The following PTPRT variants were observed in gnomAD, a reference collection of about 807,000 sequenced individuals.
The protein encoded by PTPRT is receptor-type tyrosine-protein phosphatase T.
Under a neutral mutation model 176.8 loss-of-function variants are expected in PTPRT, and 56 were observed. That is an observed-to-expected ratio of 0.32 (90% CI 0.26 to 0.40). PTPRT has a LOEUF of 0.40. PTPRT is among the 10% of genes least tolerant of loss of function. The pLI, the probability that PTPRT is intolerant of heterozygous loss-of-function variation, is 1.00. For missense variants in PTPRT, 1,540 were observed against 1,908.2 expected (o/e 0.81, Z 3.60); for synonymous variants, 783 against 739.0 (o/e 1.06, Z -0.96).
intron 24 of PTPRT, among the ~76,000 whole-genome samples, chr20:42,105,995 A>G (rs951742787): frequency 2.1e-4 from 32 of 152,184 alleles, no homozygotes; most frequent in African/African-American, 7.2e-4. Flanking sequence ...CTGCTTAGTG[A>G]GAGTGTGGTT....
intron 1 of PTPRT, among the ~76,000 whole-genome samples, chr20:43,169,090 C>T (rs1416199389): frequency 1.3e-5 from 2 of 152,284 alleles, no homozygotes; most frequent in East Asian, 1.9e-4. Flanking sequence ...TGCCCCAACC[C>T]TCAGTTCTTG....
intron 1 of PTPRT, among the ~76,000 whole-genome samples, chr20:43,167,443 G>A (rs2014885851): frequency 1.3e-5 from 2 of 152,108 alleles, no homozygotes; most frequent in Non-Finnish European, 2.9e-5. Flanking sequence ...AAAAAAAAGA[G>A]GTGGGGTGGG....
chr20:42,369,426 T>C (rs1385783520), intron 9 of PTPRT, among the ~76,000 whole-genome samples: 1 of 152,180 alleles, frequency 6.6e-6, no homozygotes, highest in Non-Finnish European at 1.5e-5. Flanking sequence ...TTTAATACCC[T>C]CTCTACCCTG....
chr20:42,189,957 G>T (rs1990931729), intron 16 of PTPRT, among the ~76,000 whole-genome samples: 1 of 152,096 alleles, frequency 6.6e-6, no homozygotes, highest in South Asian at 2.1e-4. Context: ...CTTTCTCAAG[G>T]CTGCCTAAAT....
intron 15 of PTPRT, among the ~76,000 whole-genome samples, chr20:42,227,242 T>G (rs1600701721): frequency 6.6e-6 from 1 of 150,668 alleles, no homozygotes; most frequent in African/African-American, 2.4e-5. Flanking sequence ...AGAAAGGGAG[T>G]GGGCAGAGGA....
intron 15 of PTPRT, among the ~76,000 whole-genome samples, chr20:42,213,835 T>C (rs1286899565): frequency 6.6e-6 from 1 of 152,216 alleles, no homozygotes; most frequent in African/African-American, 2.4e-5. Context: ...ATTTTGGATT[T>C]ATAGCTTCTA....
intron 7 of PTPRT, among the ~76,000 whole-genome samples, chr20:42,566,757 T>C (rs1385425749): frequency 3.3e-5 from 5 of 152,192 alleles, no homozygotes; most frequent in Admixed American, 3.3e-4. Context: ...TGAGGTATCT[T>C]TGATTGCATC....
intron 27 of PTPRT, 98 bp from the exon 28 acceptor site, chr20:42,085,951 TC>T: frequency 2.2e-6 from 3 of 1,359,448 alleles, no homozygotes; most frequent in East Asian, 2.4e-5. Context: ...TTTTTCTTTT[TC>T]TTTTTTTTTT....
chr20:42,994,300 G>A (rs968276653), intron 1 of PTPRT, among the ~76,000 whole-genome samples: 1 of 152,054 alleles, frequency 6.6e-6, no homozygotes. Flanking sequence ...TTCCTTCCAG[G>A]CTGAACTCAG....
chr20:42,654,362 A>ACAGG (rs955464262), intron 7 of PTPRT, among the ~76,000 whole-genome samples: 1 of 152,198 alleles, frequency 6.6e-6, no homozygotes, highest in East Asian at 1.9e-4. Context: ...ACTGTCCCAG[A>ACAGG]CAGGCAGGCA....
intron 1 of PTPRT, among the ~76,000 whole-genome samples, chr20:43,105,215 CA>C (rs1459927288): frequency 6.6e-6 from 1 of 152,146 alleles, no homozygotes; most frequent in Non-Finnish European, 1.5e-5. Flanking sequence ...GAATCAGTAA[CA>C]GGGGTCTACA....
Position 42,279,985 on chromosome 20 carries a change from G to C in PTPRT, c.2176+2504C>G, listed in dbSNP as rs568109104. On this transcript the variant is annotated intron_variant, in intron 13 of 30. Coordinates refer to ENST00000373187, the MANE Select transcript of PTPRT (RefSeq NM_007050.6). Reference sequence around the variant, plus strand: ...CTGCCGTGATGACAGAGAGAGGGAAGAGCCTTGGGAGAGACTGGTGACCCA... The same window carrying C: ...CTGCCGTGATGACAGAGAGAGGGAACAGCCTTGGGAGAGACTGGTGACCCA... 2.7e-5 allele frequency among the ~76,000 whole-genome samples: 4 copies of C among 146,374 alleles called. No homozygotes were observed. In the East Asian group the frequency reaches 8.0e-4, roughly 29 times the overall value.
intron 1 of PTPRT, among the ~76,000 whole-genome samples, chr20:43,160,421 A>G (rs748488378): frequency 2.0e-5 from 3 of 152,230 alleles, no homozygotes; most frequent in Non-Finnish European, 4.4e-5. Flanking sequence ...GCTTGCTGGC[A>G]TGGATAAGGC....
intron 13 of PTPRT, among the ~76,000 whole-genome samples, chr20:42,273,114 C>T (rs941273366): frequency 8.5e-5 from 13 of 152,134 alleles, no homozygotes; most frequent in Admixed American, 6.5e-5. Context: ...CCATGAACTA[C>T]TATTTGCTGA....
intron 7 of PTPRT, among the ~76,000 whole-genome samples, chr20:42,666,795 C>A (rs953828558): frequency 7.2e-5 from 11 of 152,298 alleles, no homozygotes; most frequent in African/African-American, 2.6e-4. Flanking sequence ...GAATAGGATA[C>A]ATTTTATTAT....
At chr20:42,829,883 C>T (rs540330595) in intron 2 of PTPRT, among the ~76,000 whole-genome samples, 2 of 152,194 alleles carry the variant, frequency 1.3e-5, no homozygotes, top group African/African-American at 4.8e-5. Context: ...ATACACCTTC[C>T]AAAGACTGAA....
intron 5 of PTPRT, among the ~76,000 whole-genome samples, chr20:42,770,075 A>C (rs2077040924): frequency 6.6e-6 from 1 of 152,198 alleles, no homozygotes; most frequent in South Asian, 2.1e-4. Flanking sequence ...AAACTTATCA[A>C]ATTATATACT....
At chr20:42,674,418 A>G (rs1357488498) in intron 7 of PTPRT, among the ~76,000 whole-genome samples, 3 of 152,220 alleles carry the variant, frequency 2.0e-5, no homozygotes, top group African/African-American at 7.2e-5. Flanking sequence ...GTAAATCTTT[A>G]TTGAGATGAT....
intron 1 of PTPRT, among the ~76,000 whole-genome samples, chr20:43,106,990 A>G (rs1377000451): frequency 6.6e-6 from 1 of 151,972 alleles, no homozygotes; most frequent in Non-Finnish European, 1.5e-5. Context: ...GGGTTTCTCC[A>G]TGTTGGTCAG....
Sources: gnomAD v4.1 joint callset for allele counts (sites outside exome capture counted in the v4.1 genomes callset) on GRCh38, gnomAD v4.1.1 for gene constraint, MANE v1.5 for transcripts, NCBI Gene and HGNC (gene_info 2026-07-23, HGNC 2026-07-21) for gene names.